Variants in ST8SIA1 observed in about 807,000 individuals in gnomAD.
ST8SIA1 encodes alpha-N-acetylneuraminide alpha-2,8-sialyltransferase.
ST8SIA1 carries 16 observed loss-of-function variants against 35.9 expected under a neutral mutation model. That is an observed-to-expected ratio of 0.45 (90% confidence interval 0.30 to 0.68). The LOEUF is 0.68. Ranked by LOEUF, ST8SIA1 falls within the 30% of genes least tolerant of loss-of-function variation. The probability of loss-of-function intolerance (pLI) is 0.09; values close to 1 mark genes in which losing one functional copy is unlikely to be tolerated. For synonymous variants in ST8SIA1, 170 were observed against 169.6 expected (o/e 1.00, Z -0.02); for missense variants, 383 against 453.6 (o/e 0.84, Z 1.41).
Position 22,201,645 on chromosome 12 carries a change from C to T in ST8SIA1, c.978G>A (p.Glu326=). 6.2e-7 allele frequency: 1 copy of T among 1,614,052 alleles called. No individual in the cohort carries two copies. Among genetic ancestry groups the T allele is most frequent in the Non-Finnish European group, 8.5e-7 (1 of 1,179,978 alleles). ...GAAGATACCAGAGTTGGAGAAATTC[C>T]TCGGGCATGGCATGGAAGCCAGAAA... ...LPFSGFHAMP[E]EFLQLWYLHK... The change falls in exon 5 of 5, where the codon GAG becomes GAA. Residue 326 remains glutamate, a synonymous_variant. Coordinates refer to ENST00000396037, the MANE Select transcript of ST8SIA1 (RefSeq NM_003034.4).
intron 1 of ST8SIA1, among the ~76,000 whole-genome samples, chr12:22,290,733 T>C (rs1866164233): frequency 6.6e-6 from 1 of 152,240 alleles, no homozygotes; most frequent in South Asian, 2.1e-4. Context: ...AATAATGGAC[T>C]TCACGTCCGT....
chr12:22,205,924 T>C (rs10841976), intron 4 of ST8SIA1, among the ~76,000 whole-genome samples: 101,370 of 151,974 alleles, frequency 0.67, 34,169 homozygotes, highest in South Asian at 0.85. Flanking sequence ...CTGAGAAATA[T>C]TTACAGCAAA....
intron 4 of ST8SIA1, among the ~76,000 whole-genome samples, chr12:22,211,019 G>A (rs1865170266): frequency 6.6e-6 from 1 of 152,186 alleles, no homozygotes; most frequent in Non-Finnish European, 1.5e-5. Context: ...AGAAAACACA[G>A]CAGCTTGGAG....
Position 22,198,269 on chromosome 12 carries a change from A to T in ST8SIA1, c.*3283T>A, listed in dbSNP as rs1865011559. On this transcript the variant is annotated 3_prime_UTR_variant, in exon 5 of 5. Coordinates refer to ENST00000396037, the MANE Select transcript of ST8SIA1 (RefSeq NM_003034.4). ...GGTGCATCACCAAAAGTGATTAAAGATTTTCTTATTGAATGTCTTCTAAGC... is the reference window on the plus strand; with the variant it reads ...GGTGCATCACCAAAAGTGATTAAAGTTTTTCTTATTGAATGTCTTCTAAGC... 6.6e-6 allele frequency: 1 copy of T among 151,992 alleles called. No homozygotes were observed. The highest frequency in any genetic ancestry group is 2.4e-5 in the African/African-American group (1 of 41,358). The allele number at this position is 151,992 out of a possible 1,614,324, so 9.4% of individuals were successfully genotyped here.
chr12:22,266,255 TA>T (rs990171974), intron 2 of ST8SIA1, among the ~76,000 whole-genome samples: 2 of 151,380 alleles, frequency 1.3e-5, no homozygotes, highest in Non-Finnish European at 2.9e-5. Context: ...CAAGGAATGC[TA>T]AAAAAAACTC....
At chr12:22,265,657 C>A (rs1340026408) in intron 2 of ST8SIA1, among the ~76,000 whole-genome samples, 1 of 152,234 alleles carries the variant, frequency 6.6e-6, no homozygotes. Context: ...ATTTTCTCAG[C>A]AACACAGCCT....
chr12:22,334,249 CA>C lies in ST8SIA1; in HGVS notation c.-18del. 1 of 1,602,726 alleles carries C rather than the reference CA, an allele frequency of 6.2e-7. No homozygotes were observed. Among genetic ancestry groups the C allele is most frequent in the South Asian group, 1.1e-5 (1 of 90,768 alleles). Reference sequence around the variant, plus strand: ...GGGGCTCATCGCAGCCCCGGCGTCCCAGGGGCGGGGGCCGGGGCCTCAGCAC... The same window carrying C: ...GGGGCTCATCGCAGCCCCGGCGTCCCGGGGCGGGGGCCGGGGCCTCAGCAC... On this transcript the variant is annotated 5_prime_UTR_variant, in exon 1 of 5. Coordinates refer to ENST00000396037, the MANE Select transcript of ST8SIA1 (RefSeq NM_003034.4).
chr12:22,273,926 T>C (rs16924857), intron 2 of ST8SIA1, among the ~76,000 whole-genome samples: 8,208 of 152,276 alleles, frequency 0.054, 329 homozygotes, highest in East Asian at 0.15. Context: ...GAATTGAATA[T>C]GAAGTTGCAA....
intron 4 of ST8SIA1, among the ~76,000 whole-genome samples, chr12:22,238,352 C>T (rs1037741978): frequency 6.6e-6 from 1 of 152,214 alleles, no homozygotes; most frequent in Non-Finnish European, 1.5e-5. Flanking sequence ...AGCCAGCTGC[C>T]ATGTAAACAG....
Position 22,200,996 on chromosome 12 carries a change from C to A in ST8SIA1, c.*556G>T, listed in dbSNP as rs1052655382. ...AATATAGACGTGGCTCAACAAATCACAATTATCAGCAGTAACATTTTGTAT... is the reference window on the plus strand; with the variant it reads ...AATATAGACGTGGCTCAACAAATCAAAATTATCAGCAGTAACATTTTGTAT... On this transcript the variant is annotated 3_prime_UTR_variant, in exon 5 of 5. Transcript: ENST00000396037. 5.3e-5 allele frequency: 8 copies of A among 152,054 alleles called. No individual in the cohort carries two copies. The highest frequency in any genetic ancestry group is 2.0e-4 in the Admixed American group (3 of 15,262). The allele number at this position is 152,054 out of a possible 1,614,324, so 9.4% of individuals were successfully genotyped here. A position where few individuals can be genotyped will look rare whatever the true frequency, so the allele number is the denominator to read the frequency against.
intron 3 of ST8SIA1, among the ~76,000 whole-genome samples, chr12:22,254,126 T>G (rs935692822): frequency 6.6e-6 from 1 of 152,204 alleles, no homozygotes; most frequent in East Asian, 1.9e-4. Context: ...CTGCTGGCAC[T>G]TGGTTCATAG....
chr12:22,255,770 G>A (rs1367323506), intron 2 of ST8SIA1, among the ~76,000 whole-genome samples: 1 of 152,072 alleles, frequency 6.6e-6, no homozygotes, highest in Non-Finnish European at 1.5e-5. Context: ...CTATGTGATT[G>A]CAATCTCATT....
intron 2 of ST8SIA1, among the ~76,000 whole-genome samples, chr12:22,281,187 G>A (rs1367614540): frequency 6.6e-6 from 1 of 152,044 alleles, no homozygotes; most frequent in East Asian, 1.9e-4. Flanking sequence ...TGTTTTTATG[G>A]TGCATTCATT....
intron 2 of ST8SIA1, among the ~76,000 whole-genome samples, chr12:22,280,030 G>A (rs762901955): frequency 2.6e-5 from 4 of 152,220 alleles, no homozygotes; most frequent in East Asian, 1.9e-4. Context: ...AACGTTCTCT[G>A]TGCATAGTCA....
intron 2 of ST8SIA1, among the ~76,000 whole-genome samples, chr12:22,265,168 T>C (rs920413897): frequency 1.3e-5 from 2 of 152,228 alleles, no homozygotes; most frequent in African/African-American, 4.8e-5. Flanking sequence ...ACTGTGTCTA[T>C]ACTTCAGGGC....
At chr12:22,309,395 T>G (rs1274870312) in intron 1 of ST8SIA1, among the ~76,000 whole-genome samples, 1 of 152,128 alleles carries the variant, frequency 6.6e-6, no homozygotes, top group Non-Finnish European at 1.5e-5. Context: ...GAATGCACAG[T>G]AAGGGTCTTT....
At chr12:22,243,316 T>C (rs1334338369) in intron 4 of ST8SIA1, among the ~76,000 whole-genome samples, 1 of 152,200 alleles carries the variant, frequency 6.6e-6, no homozygotes, top group Non-Finnish European at 1.5e-5. Context: ...AAGTACAAGA[T>C]AACTACTGAT....
In ST8SIA1 at chr12:22,200,903, G is replaced by C. The variant is rs959665686; in HGVS notation, c.*649C>G. The C allele has an allele frequency of 6.6e-6, 1 of 152,066 alleles. No homozygotes were observed. Among genetic ancestry groups the C allele is most frequent in the African/African-American group, 2.4e-5 (1 of 41,414 alleles). 9.4% of individuals were successfully genotyped at this position (152,066 alleles called of 1,614,324 possible). A position where few individuals can be genotyped will look rare whatever the true frequency, so the allele number is the denominator to read the frequency against. On this transcript the variant is annotated 3_prime_UTR_variant, in exon 5 of 5. Transcript: ENST00000396037. ...TTCAATAATGCTTCACATTGTCTCT[G>C]TGGACTTGACAAAAGAGGAAGAAGC...
At chr12:22,330,769 T>C (rs1433072610) in intron 1 of ST8SIA1, among the ~76,000 whole-genome samples, 1 of 152,200 alleles carries the variant, frequency 6.6e-6, no homozygotes, top group African/African-American at 2.4e-5. Context: ...TTACTATTAT[T>C]GTTACCATGT....
Sources: allele counts gnomAD v4.1 joint callset (sites outside exome capture counted in the v4.1 genomes callset), GRCh38; gene constraint gnomAD v4.1.1; transcripts MANE v1.5; gene names NCBI Gene and HGNC (gene_info 2026-07-23, HGNC 2026-07-21).